Variants in CCDC175 observed in about 807,000 individuals in gnomAD.
The protein encoded by CCDC175 is coiled-coil domain-containing protein 175.
Under a neutral mutation model 114.6 loss-of-function variants are expected in CCDC175, and 100 were observed. The observed-to-expected ratio is 0.87, with a 90% confidence interval of 0.74 to 1.03. The LOEUF (loss-of-function observed/expected upper bound fraction) is 1.03. Among genes scored for constraint, CCDC175 ranks in the 50% least tolerant of loss-of-function variants. CCDC175 has a pLI of 0.00. For synonymous variants in CCDC175, 306 were observed against 308.7 expected, an observed-to-expected ratio of 0.99 and a Z score of 0.09; for missense variants, 880 against 917.8, an observed-to-expected ratio of 0.96 and a Z score of 0.53.
chr14:59,542,719 AT>A (rs1204476900), intron 10 of CCDC175, among the ~76,000 whole-genome samples: 3 of 152,190 alleles, frequency 2.0e-5, no homozygotes, highest in African/African-American at 7.2e-5. Flanking sequence ...GCATAAAAAA[AT>A]AGTACAAAGA....
chr14:59,533,318 T>C (rs1168136497), intron 13 of CCDC175, among the ~76,000 whole-genome samples: 2 of 152,084 alleles, frequency 1.3e-5, no homozygotes, highest in Non-Finnish European at 2.9e-5. Flanking sequence ...AAATCAGGAG[T>C]CATTGTTATA....
At chr14:59,517,850 C>T (rs1267244790) in intron 17 of CCDC175, among the ~76,000 whole-genome samples, 1 of 152,094 alleles carries the variant, frequency 6.6e-6, no homozygotes, top group Non-Finnish European at 1.5e-5. Context: ...CAAAAAAGAG[C>T]CCGCATCGCC....
chr14:59,570,897 C>T lies in CCDC175; in HGVS notation c.355+1805G>A, dbSNP rs745625566. 4.9e-4 allele frequency among the ~76,000 whole-genome samples: 75 copies of T among 152,210 alleles called. 1 individual carries two copies. The highest frequency in any genetic ancestry group is 4.6e-3 in the Admixed American group (71 of 15,278). ...GGGACTACAGGCATGCGCCACCACG[C>T]CTGGCTAATTGTTTTTTGTATTTTT... On this transcript the variant is annotated intron_variant, in intron 3 of 19. Coordinates refer to ENST00000537690, the MANE Select transcript of CCDC175 (RefSeq NM_001164399.2).
chr14:59,568,266 G>A lies in CCDC175; in HGVS notation c.470C>T (p.Thr157Ile). The A allele has an allele frequency of 6.5e-7, 1 of 1,530,384 alleles. No homozygotes were observed. Among genetic ancestry groups the A allele is most frequent in the Non-Finnish European group, 8.7e-7 (1 of 1,145,168 alleles). 94.8% of individuals were successfully genotyped at this position (1,530,384 alleles called of 1,614,324 possible). The change falls in exon 4 of 20, where the codon ACA (threonine) becomes ATA (isoleucine). Residue 157 changes from threonine (T) to isoleucine (I), a missense_variant. Transcript: ENST00000537690. ...CTACCCCAGAGCTTCATTATATTTT[G>A]TCAGGTCAGTTATTTTCTTCTTCAG... ...ELLKKKITDLTKYNEALGEKQ... is the reference protein window; with the variant it reads ...ELLKKKITDLIKYNEALGEKQ...
At chr14:59,514,307 T>C (rs933269296) in intron 17 of CCDC175, among the ~76,000 whole-genome samples, 4 of 152,068 alleles carry the variant, frequency 2.6e-5, no homozygotes, top group Non-Finnish European at 5.9e-5. Flanking sequence ...TGGAACAAAG[T>C]TGGACAGAGA....
chr14:59,540,534 A>C, intron 11 of CCDC175, 141 bp downstream of exon 11: 1 of 954,756 alleles, frequency 1.0e-6, no homozygotes, highest in Non-Finnish European at 1.5e-6. Context: ...TCTAGATCCG[A>C]GAGAATTTAC....
intron 15 of CCDC175, among the ~76,000 whole-genome samples, chr14:59,526,271 A>T (rs1413536568): frequency 6.6e-6 from 1 of 152,002 alleles, no homozygotes; most frequent in African/African-American, 2.4e-5. Context: ...TCTCCTTCAT[A>T]TTTTCCTATA....
chr14:59,561,708 T>C (rs1443312982), intron 6 of CCDC175, among the ~76,000 whole-genome samples: 2 of 152,220 alleles, frequency 1.3e-5, no homozygotes, highest in Admixed American at 1.3e-4. Context: ...AATGGAATAA[T>C]TGGATACTGT....
At chr14:59,574,478 G>A (rs7150138) in intron 2 of CCDC175, among the ~76,000 whole-genome samples, 4,825 of 152,272 alleles carry the variant, frequency 0.032, 238 homozygotes, top group African/African-American at 0.11. Context: ...TAACAGTACC[G>A]TCTACTTCAG....
Position 59,535,154 on chromosome 14 carries a change from T to C in CCDC175, c.1623+2869A>G, listed in dbSNP as rs534235239. Among the ~76,000 whole-genome samples the C allele has an allele frequency of 5.3e-5, 8 of 152,186 alleles. No individual in the cohort carries two copies. In the South Asian group the frequency reaches 1.7e-3, roughly 32 times the overall value. ...ATTGGTGCTGATTATCGAGGGGAAA[T>C]TGGGTTATTGCTATATAATAATGGT... On this transcript the variant is annotated intron_variant, in intron 13 of 19. Coordinates refer to ENST00000537690, the MANE Select transcript of CCDC175 (RefSeq NM_001164399.2).
chr14:59,521,691 C>G lies in CCDC175; in HGVS notation c.1996-15G>C. ...TATAAAATATACTGAAAATTAAAAG[C>G]ATGTGATTGCTTTTAGCAGTTTAGT... On this transcript the variant is annotated splice_polypyrimidine_tract_variant and intron_variant, in intron 16 of 19. Transcript: ENST00000537690. 1 of 1,365,386 alleles carries G rather than the reference C, an allele frequency of 7.3e-7. No homozygotes were observed. The highest frequency in any genetic ancestry group is 1.0e-6 in the Non-Finnish European group (1 of 991,870). The allele number at this position is 1,365,386 out of a possible 1,614,324, so 84.6% of individuals were successfully genotyped here.
Position 59,559,078 on chromosome 14 carries a change from A to G in CCDC175, c.953+2041T>C, listed in dbSNP as rs145235826. Among the ~76,000 whole-genome samples, 441 of 152,308 alleles carry G rather than the reference A, an allele frequency of 2.9e-3. 4 individuals carry two copies. The highest frequency in any genetic ancestry group is 2.0e-3 in the Non-Finnish European group (136 of 68,016). ...ACTAAACTTTAACAGGATGGAAGCCATTAGTAACCGTGGCAATTCTGAAAC... is the reference window on the plus strand; with the variant it reads ...ACTAAACTTTAACAGGATGGAAGCCGTTAGTAACCGTGGCAATTCTGAAAC... On this transcript the variant is annotated intron_variant, in intron 7 of 19. Coordinates refer to ENST00000537690, the MANE Select transcript of CCDC175 (RefSeq NM_001164399.2).
At chr14:59,538,207 C>T in intron 12 of CCDC175, 53 bp from the exon 13 acceptor site, 2 of 1,426,038 alleles carry the variant, frequency 1.4e-6, no homozygotes, top group Non-Finnish European at 1.8e-6. Flanking sequence ...ATCAGCCTTA[C>T]ATTTTCGAAT....
intron 1 of CCDC175, among the ~76,000 whole-genome samples, chr14:59,576,040 C>T (rs748983769): frequency 6.6e-6 from 1 of 152,152 alleles, no homozygotes; most frequent in Non-Finnish European, 1.5e-5. Context: ...CTTGGATTGT[C>T]TTACCTTAAG....
chr14:59,564,336 G>A (rs1046511208), intron 5 of CCDC175: 2 of 152,838 alleles, frequency 1.3e-5, no homozygotes, highest in African/African-American at 4.8e-5. Flanking sequence ...AGAGCAGCTT[G>A]TAATCCTGGA....
chr14:59,552,320 T>C (rs952391370), intron 7 of CCDC175, among the ~76,000 whole-genome samples: 28 of 152,236 alleles, frequency 1.8e-4, no homozygotes, highest in African/African-American at 6.8e-4. Flanking sequence ...CAATATTCAC[T>C]GTTCTGCAGC....
chr14:59,538,929 T>C, intron 11 of CCDC175, 89 bp from the exon 12 acceptor site: 3 of 1,209,666 alleles, frequency 2.5e-6, no homozygotes, highest in Non-Finnish European at 3.4e-6. Flanking sequence ...CAAGTCATAC[T>C]ATGACTACAC....
chr14:59,555,166 G>C (rs1895804254), intron 7 of CCDC175, among the ~76,000 whole-genome samples: 1 of 152,102 alleles, frequency 6.6e-6, no homozygotes, highest in Non-Finnish European at 1.5e-5. Flanking sequence ...AACAAAAAAA[G>C]AGAATTTTAG....
At chr14:59,515,075 A>C (rs1892993735) in intron 17 of CCDC175, among the ~76,000 whole-genome samples, 1 of 152,224 alleles carries the variant, frequency 6.6e-6, no homozygotes, top group Non-Finnish European at 1.5e-5. Context: ...TAAGCTTCAT[A>C]AATGAAGGAG....
Sources: gnomAD v4.1 joint callset for allele counts (sites outside exome capture counted in the v4.1 genomes callset) on GRCh38, gnomAD v4.1.1 for gene constraint, MANE v1.5 for transcripts, NCBI Gene and HGNC (gene_info 2026-07-23, HGNC 2026-07-21) for gene names.